Variants in TAFA2 observed in about 807,000 individuals in gnomAD.
TAFA2 encodes the protein chemokine-like protein TAFA-2.
In TAFA2, 7 loss-of-function variants were observed where a neutral mutation model predicts 18.8. That is an observed-to-expected ratio of 0.37 (90% CI 0.21 to 0.70). The LOEUF (loss-of-function observed/expected upper bound fraction) is 0.70, where lower values mean the gene tolerates loss of function less well. Ranked by LOEUF, TAFA2 falls within the 30% of genes least tolerant of loss-of-function variation. TAFA2 has a pLI of 0.53. For missense variants in TAFA2, 122 were observed against 158.1 expected, an observed-to-expected ratio of 0.77 and a Z score of 1.23; for synonymous variants, 60 against 54.2, an observed-to-expected ratio of 1.11 and a Z score of -0.47.
chr12:62,119,809 C>A (rs1870115067), intron 1 of TAFA2, among the ~76,000 whole-genome samples: 1 of 152,090 alleles, frequency 6.6e-6, no homozygotes, highest in African/African-American at 2.4e-5. Context: ...CACGGTGGCT[C>A]ACACCTATAA....
intron 1 of TAFA2, among the ~76,000 whole-genome samples, chr12:62,083,156 A>T (rs954442128): frequency 6.6e-5 from 10 of 151,782 alleles, no homozygotes; most frequent in African/African-American, 2.4e-4. Context: ...GGGGATTGAA[A>T]AGCTGTTTTC....
At chr12:61,729,207 G>C (rs1053287690) in intron 4 of TAFA2, among the ~76,000 whole-genome samples, 2 of 151,784 alleles carry the variant, frequency 1.3e-5, no homozygotes, top group African/African-American at 2.4e-5. Flanking sequence ...TATGTGACTA[G>C]GCAATAATCT....
rs77027959 is a variant in TAFA2, at chr12:61,871,682, G to T, written c.-1-4256C>A. 8.9e-3 allele frequency among the ~76,000 whole-genome samples: 1,350 copies of T among 152,252 alleles called. 20 individuals are homozygous for T. The highest frequency in any genetic ancestry group is 0.031 in the African/African-American group (1,283 of 41,544). ...AAAGTTGTCGAAGTGGAGGACTGACGATTAAATCTCCTGGACTTTCTCCCA... is the reference window on the plus strand; with the variant it reads ...AAAGTTGTCGAAGTGGAGGACTGACTATTAAATCTCCTGGACTTTCTCCCA... On this transcript the variant is annotated intron_variant, in intron 1 of 4. Transcript: ENST00000416284.
chr12:62,027,569 A>AT (rs112086204), intron 1 of TAFA2, among the ~76,000 whole-genome samples: 18,775 of 152,058 alleles, frequency 0.12, 1,261 homozygotes, highest in Non-Finnish European at 0.14. Context: ...AAGTCTAATG[A>AT]TTTTTTTCTT....
intron 1 of TAFA2, among the ~76,000 whole-genome samples, chr12:61,935,668 CT>C (rs1482341640): frequency 6.6e-6 from 1 of 151,962 alleles, no homozygotes; most frequent in African/African-American, 2.4e-5. Context: ...GAAAGATCAA[CT>C]TTTGAACAAA....
intron 1 of TAFA2, among the ~76,000 whole-genome samples, chr12:62,257,129 T>C (rs2062943196): frequency 4.2e-5 from 2 of 47,402 alleles, no homozygotes; most frequent in South Asian, 1.6e-3. Flanking sequence ...TCTGTGTGTG[T>C]GTATGTACAT....
chr12:61,942,026 G>A (rs1878047978), intron 1 of TAFA2, among the ~76,000 whole-genome samples: 3 of 151,628 alleles, frequency 2.0e-5, no homozygotes, highest in South Asian at 4.2e-4. Flanking sequence ...AAAGACAGCA[G>A]TAACCTCTGA....
At chr12:62,103,155 A>C (rs1315170408) in intron 1 of TAFA2, among the ~76,000 whole-genome samples, 3 of 152,210 alleles carry the variant, frequency 2.0e-5, no homozygotes, top group African/African-American at 7.2e-5. Context: ...TTACAGCTGA[A>C]ATCAGAAGCA....
At chr12:62,074,018 C>A (rs1283668515) in intron 1 of TAFA2, among the ~76,000 whole-genome samples, 1 of 152,208 alleles carries the variant, frequency 6.6e-6, no homozygotes, top group African/African-American at 2.4e-5. Context: ...TTGGTGAGTA[C>A]AAACTTGCTT....
At position 62,025,745 on chromosome 12, in the gene TAFA2, A is replaced by C. The variant is rs374114749; in HGVS notation, c.-1-158319T>G. Among the ~76,000 whole-genome samples the C allele has an allele frequency of 7.9e-5, 12 of 152,292 alleles. No individual in the cohort carries two copies. The East Asian group carries it at 2.3e-3, about 29-fold the overall frequency. On this transcript the variant is annotated intron_variant, in intron 1 of 4. Coordinates refer to ENST00000416284, the MANE Select transcript of TAFA2 (RefSeq NM_178539.5). ...CATTTTAAAGGCATCTAATAATGAA[A>C]AAGATGTCTTATAAGAAAAATTAGG...
intron 4 of TAFA2, among the ~76,000 whole-genome samples, chr12:61,715,617 G>T (rs887893018): frequency 6.6e-6 from 1 of 151,922 alleles, no homozygotes; most frequent in African/African-American, 2.4e-5. Context: ...TTCCCAAAGT[G>T]CTAGGTTTAC....
At chr12:62,173,456 G>A (rs768037595) in intron 1 of TAFA2, among the ~76,000 whole-genome samples, 16 of 152,158 alleles carry the variant, frequency 1.1e-4, no homozygotes, top group Admixed American at 8.5e-4. Context: ...GGGTCTCCTC[G>A]TCAATTTCCC....
At chr12:61,943,728 G>A (rs543656776) in intron 1 of TAFA2, among the ~76,000 whole-genome samples, 2,549 of 151,092 alleles carry the variant, frequency 0.017, 39 homozygotes, top group Non-Finnish European at 0.025. Context: ...TAATGGTAAA[G>A]GGATCAATTC....
intron 1 of TAFA2, among the ~76,000 whole-genome samples, chr12:62,116,970 G>A (rs1253940457): frequency 6.6e-6 from 1 of 152,084 alleles, no homozygotes; most frequent in Non-Finnish European, 1.5e-5. Context: ...AAAAGAAGAG[G>A]AGACACCGGG....
intron 1 of TAFA2, among the ~76,000 whole-genome samples, chr12:61,904,712 G>A (rs1876264253): frequency 1.3e-5 from 2 of 152,064 alleles, no homozygotes; most frequent in Middle Eastern, 3.4e-3. Flanking sequence ...AGCAACTTAC[G>A]GTATACATAT....
chr12:61,835,681 T>C (rs1231831613), intron 2 of TAFA2, among the ~76,000 whole-genome samples: 4 of 152,044 alleles, frequency 2.6e-5, no homozygotes, highest in Admixed American at 2.6e-4. Context: ...TAAACTGTCA[T>C]AAAGAACTTT....
At chr12:62,213,176 G>A (rs554996784) in intron 1 of TAFA2, among the ~76,000 whole-genome samples, 2 of 152,262 alleles carry the variant, frequency 1.3e-5, no homozygotes, top group South Asian at 4.1e-4. Flanking sequence ...CTTGGGTAAG[G>A]GTCACAGTTA....
chr12:62,087,811 A>G (rs117416356), intron 1 of TAFA2, among the ~76,000 whole-genome samples: 1,572 of 152,280 alleles, frequency 0.01, 19 homozygotes, highest in Non-Finnish European at 0.018. Flanking sequence ...CAGATCCATT[A>G]GGAGTTGTTC....
intron 1 of TAFA2, among the ~76,000 whole-genome samples, chr12:61,955,254 AG>A (rs1363655265): frequency 2.6e-5 from 4 of 152,108 alleles, no homozygotes; most frequent in Non-Finnish European, 5.9e-5. Context: ...GAAAAACTAA[AG>A]CACCATATTA....
Sources: allele counts gnomAD v4.1 joint callset (sites outside exome capture counted in the v4.1 genomes callset), GRCh38; gene constraint gnomAD v4.1.1; transcripts MANE v1.5; gene names NCBI Gene and HGNC (gene_info 2026-07-23, HGNC 2026-07-21).